Variants in HAPLN4 observed in about 807,000 individuals in gnomAD.
HAPLN4 encodes hyaluronan and proteoglycan link protein 4.
In HAPLN4, 19 loss-of-function variants were observed where a neutral mutation model predicts 28.0. That is an observed-to-expected ratio of 0.68 (90% CI 0.47 to 1.00). The LOEUF (loss-of-function observed/expected upper bound fraction) is 1.00. HAPLN4 is among the 50% of genes least tolerant of loss of function. The pLI is 0.00. For missense variants in HAPLN4, 587 were observed against 602.6 expected (o/e 0.97, Z 0.27); for synonymous variants, 274 against 273.0 (o/e 1.00, Z -0.03).
intron 1 of HAPLN4, 56 bp from the exon 2 acceptor site, chr19:19,261,619 G>T: frequency 1.7e-6 from 2 of 1,207,502 alleles, no homozygotes; most frequent in Non-Finnish European, 2.2e-6. Context: ...CTTTTCGGAG[G>T]CCTGGCTCCC....
rs1215207643 is a variant in HAPLN4, at chr19:19,258,221, G to A, written c.818-13C>T. The A allele has an allele frequency of 1.4e-6, 2 of 1,468,120 alleles. No homozygotes were observed. The highest frequency in any genetic ancestry group is 2.4e-5 in the Admixed American group (1 of 41,782). 90.9% of individuals were successfully genotyped at this position (1,468,120 alleles called of 1,614,324 possible). On this transcript the variant is annotated splice_polypyrimidine_tract_variant and intron_variant, in intron 4 of 4. Transcript: ENST00000291481. This position sits in a 1 kb window ranked among gnomAD's most constrained non-coding sequence, Gnocchi z 6.2. ...AAGAACACGCGCCCTGCGGGGGTGA[G>A]GTGGGGGGTGGGTTATTAGTGCGGC...
chr19:19,262,517 A>C (rs1462182909), intron 1 of HAPLN4, among the ~76,000 whole-genome samples: 1 of 151,824 alleles, frequency 6.6e-6, no homozygotes, highest in Non-Finnish European at 1.5e-5. Flanking sequence ...GAGAGGAAAA[A>C]GGCAGAGAGG....
Position 19,258,732 on chromosome 19 carries a change from C to A in HAPLN4, c.608G>T (p.Arg203Leu). 1 of 1,602,934 alleles carries A rather than the reference C, an allele frequency of 6.2e-7. No homozygotes were observed. Among genetic ancestry groups the A allele is most frequent in the Non-Finnish European group, 8.5e-7 (1 of 1,176,330 alleles). ...CGCGTTGCACCAGTCCAGGCCGTCG[C>A]GCCAGGCCGCGTGCAGCTGTTCTGC... ...ASAEQLHAAWRDGLDWCNAGW... is the reference protein window; with the variant it reads ...ASAEQLHAAWLDGLDWCNAGW... The change falls in exon 4 of 5, where the codon CGC (arginine) becomes CTC (leucine). Residue 203 changes from arginine to leucine, a missense_variant. Coordinates refer to ENST00000291481, the MANE Select transcript of HAPLN4 (RefSeq NM_023002.3). This position sits in a 1 kb window ranked among gnomAD's most constrained non-coding sequence, Gnocchi z 6.2.
At position 19,261,192 on chromosome 19, in the gene HAPLN4, A is replaced by G. The variant is rs1473537424; in HGVS notation, c.122-17T>C. 2 of 1,576,440 alleles carry G rather than the reference A, an allele frequency of 1.3e-6. No individual in the cohort carries two copies. The highest frequency in any genetic ancestry group is 2.7e-5 in the African/African-American group (2 of 73,602). Reference sequence around the variant, plus strand: ...ACTCACCCTCTGAGGACAACCAAGCAGGGTTCAGAGGAGGGGCCTAGGGGC... The same window carrying G: ...ACTCACCCTCTGAGGACAACCAAGCGGGGTTCAGAGGAGGGGCCTAGGGGC... On this transcript the variant is annotated splice_polypyrimidine_tract_variant and intron_variant, in intron 2 of 4. Transcript: ENST00000291481.
In HAPLN4 at chr19:19,261,104, C is replaced by T. The variant is rs1175684485; in HGVS notation, c.193G>A (p.Val65Ile). 3 of 1,612,094 alleles carry T rather than the reference C, an allele frequency of 1.9e-6. No homozygotes were observed. The East Asian group carries it at 6.7e-5, about 36-fold the overall frequency. The part of the protein sequence containing the change: ...QVVSHRGGTI[V>I]LPCRYHYEAA... Reference sequence around the variant, plus strand: ...TCATAGTGGTAGCGGCAGGGCAAGACGATGGTGCCACCACGGTGGCTTACC... The same window carrying T: ...TCATAGTGGTAGCGGCAGGGCAAGATGATGGTGCCACCACGGTGGCTTACC... Residue 65 changes from valine (V) to isoleucine (I), a missense_variant, in exon 3 of 5, where the codon GTC becomes ATC. Coordinates refer to ENST00000291481, the MANE Select transcript of HAPLN4 (RefSeq NM_023002.3).
chr19:19,257,768 G>T lies in HAPLN4; in HGVS notation c.*49C>A. On this transcript the variant is annotated 3_prime_UTR_variant, in exon 5 of 5. Coordinates refer to ENST00000291481, the MANE Select transcript of HAPLN4 (RefSeq NM_023002.3). ...CGTGGCCAGGCTCCAGGGGACCACA[G>T]GGCTCTAGACCAGTGGTCAAGCGCC... The T allele has an allele frequency of 7.3e-7, 1 of 1,375,994 alleles. No homozygotes were observed. The allele number at this position is 1,375,994 out of a possible 1,614,324, so 85.2% of individuals were successfully genotyped here.
At chr19:19,261,765 T>C (rs1180222306) in intron 1 of HAPLN4, 7 of 467,252 alleles carry the variant, frequency 1.5e-5, no homozygotes, top group South Asian at 6.1e-5. Context: ...GCCCCTAGAC[T>C]CCCCCCCGCC....
chr19:19,259,719 G>A (rs2060977240), intron 3 of HAPLN4, among the ~76,000 whole-genome samples: 2 of 152,162 alleles, frequency 1.3e-5, no homozygotes. Context: ...TCCAGTAAAG[G>A]AGAGCTGCTG....
In HAPLN4 at chr19:19,258,280, GC is replaced by G. The variant is rs2060972686; in HGVS notation, c.818-73del. The G allele has an allele frequency of 2.9e-6, 4 of 1,377,846 alleles. No homozygotes were observed. Among genetic ancestry groups the G allele is most frequent in the East Asian group, 2.5e-5 (1 of 39,488 alleles). The allele number at this position is 1,377,846 out of a possible 1,614,324, so 85.4% of individuals were successfully genotyped here. ...CCCTGCTTCGGTGGGATTCAGGACT[GC>G]CCCCCGCATGCAGCCTAGGACTCTG... On this transcript the variant is annotated intron_variant, in intron 4 of 4. Coordinates refer to ENST00000291481, the MANE Select transcript of HAPLN4 (RefSeq NM_023002.3). This position sits in a 1 kb window ranked among gnomAD's most constrained non-coding sequence, Gnocchi z 6.2.
Position 19,258,275 on chromosome 19 carries a change from G to A in HAPLN4, c.818-67C>T. ...TGGGACCCTGCTTCGGTGGGATTCAGGACTGCCCCCCGCATGCAGCCTAGG... is the reference window on the plus strand; with the variant it reads ...TGGGACCCTGCTTCGGTGGGATTCAAGACTGCCCCCCGCATGCAGCCTAGG... On this transcript the variant is annotated intron_variant, in intron 4 of 4. Coordinates refer to ENST00000291481, the MANE Select transcript of HAPLN4 (RefSeq NM_023002.3). This position sits in a 1 kb window ranked among gnomAD's most constrained non-coding sequence, Gnocchi z 6.2. 1 of 1,398,576 alleles carries A rather than the reference G, an allele frequency of 7.2e-7. No homozygotes were observed. The highest frequency in any genetic ancestry group is 9.4e-7 in the Non-Finnish European group (1 of 1,059,554). 86.6% of individuals were successfully genotyped at this position (1,398,576 alleles called of 1,614,324 possible). A position where few individuals can be genotyped will look rare whatever the true frequency, so the allele number is the denominator to read the frequency against.
In HAPLN4 at chr19:19,258,308, C is replaced by T. The variant is rs1315015141; in HGVS notation, c.818-100G>A. On this transcript the variant is annotated intron_variant, in intron 4 of 4. Transcript: ENST00000291481. The surrounding 1 kb of genome is among the most constrained non-coding windows in gnomAD (Gnocchi z 6.2). ...CCCCGCATGCAGCCTAGGACTCTGG[C>T]CTCGGCCCCGGGATCCAGGAACAGT... 3.8e-6 allele frequency: 5 copies of T among 1,305,954 alleles called. No homozygotes were observed. Among genetic ancestry groups the T allele is most frequent in the Non-Finnish European group, 5.1e-6 (5 of 979,208 alleles). 80.9% of individuals were successfully genotyped at this position (1,305,954 alleles called of 1,614,324 possible). A position where few individuals can be genotyped will look rare whatever the true frequency, so the allele number is the denominator to read the frequency against.
intron 3 of HAPLN4, among the ~76,000 whole-genome samples, chr19:19,260,253 G>T (rs1000387082): frequency 6.6e-6 from 1 of 152,058 alleles, no homozygotes; most frequent in African/African-American, 2.4e-5. Context: ...GTCTCGCTCT[G>T]TCGCCCAGGC....
At chr19:19,262,017 G>A (rs2060985429) in intron 1 of HAPLN4, among the ~76,000 whole-genome samples, 1 of 151,986 alleles carries the variant, frequency 6.6e-6, no homozygotes, top group Non-Finnish European at 1.5e-5. Context: ...GGGACAGAGA[G>A]AAAGGCAGGG....
At position 19,257,704 on chromosome 19, in the gene HAPLN4, G is replaced by T; in HGVS notation, c.*113C>A. Reference sequence around the variant, plus strand: ...CCAGGGGCACAGTTAGTTTGTAAGGGACCACAGGGAATGTGGCCAGTGTCC... The same window carrying T: ...CCAGGGGCACAGTTAGTTTGTAAGGTACCACAGGGAATGTGGCCAGTGTCC... On this transcript the variant is annotated 3_prime_UTR_variant, in exon 5 of 5. Transcript: ENST00000291481. 8.0e-7 allele frequency: 1 copy of T among 1,243,096 alleles called. No homozygotes were observed. Among genetic ancestry groups the T allele is most frequent in the African/African-American group, 1.6e-5 (1 of 64,196 alleles). The allele number at this position is 1,243,096 out of a possible 1,614,324, so 77.0% of individuals were successfully genotyped here.
In HAPLN4 at chr19:19,258,033, G is replaced by T. The variant is rs1172776206; in HGVS notation, c.993C>A (p.Pro331=). 2 of 1,533,976 alleles carry T rather than the reference G, an allele frequency of 1.3e-6. No individual in the cohort carries two copies. Among genetic ancestry groups the T allele is most frequent in the African/African-American group, 1.4e-5 (1 of 71,760 alleles). The change falls in exon 5 of 5, where the codon CCC becomes CCA. Residue 331 remains proline, a synonymous_variant. Coordinates refer to ENST00000291481, the MANE Select transcript of HAPLN4 (RefSeq NM_023002.3). This position sits in a 1 kb window ranked among gnomAD's most constrained non-coding sequence, Gnocchi z 6.2. ...GWLADGSARY[P]IVNPRARCGG... ...CGCAGCGCGCTCGCGGGTTCACGAT[G>T]GGGTAGCGCGCACTGCCATCGGCCA...
In HAPLN4 at chr19:19,258,067, G is replaced by A; in HGVS notation, c.959C>T (p.Ala320Val). ...WKLQLLDRCT[A>V]GWLADGSARY... Reference sequence around the variant, plus strand: ...CGCACTGCCATCGGCCAGCCAACCCGCGGTGCAGCGGTCTAGCAGCTGCAG... The same window carrying A: ...CGCACTGCCATCGGCCAGCCAACCCACGGTGCAGCGGTCTAGCAGCTGCAG... The change falls in exon 5 of 5, where the codon GCG becomes GTG. Residue 320 changes from alanine (A) to valine (V), a missense_variant. By Grantham distance (64) the Ala-to-Val change is moderately conservative (BLOSUM62 0). Transcript: ENST00000291481. The surrounding 1 kb of genome is among the most constrained non-coding windows in gnomAD (Gnocchi z 6.2). The A allele has an allele frequency of 6.4e-7, 1 of 1,552,828 alleles. No individual in the cohort carries two copies. The highest frequency in any genetic ancestry group is 8.7e-7 in the Non-Finnish European group (1 of 1,155,940).
intron 3 of HAPLN4, among the ~76,000 whole-genome samples, chr19:19,260,299 C>T (rs2060978796): frequency 6.6e-6 from 1 of 152,216 alleles, no homozygotes; most frequent in Non-Finnish European, 1.5e-5. Context: ...TCACCGCAAC[C>T]TCCACCTCCC....
rs1390332541 is a variant in HAPLN4 at position 19,257,586 on chromosome 19, G to A, written c.*231C>T. ...CCTCATGGAGAAAGTTGGGGAGTTG[G>A]GGGAATCCTCTATCCAGAAGAGGTG... On this transcript the variant is annotated 3_prime_UTR_variant, in exon 5 of 5. Transcript: ENST00000291481. 4.8e-6 allele frequency: 2 copies of A among 420,530 alleles called. No individual in the cohort carries two copies. Among genetic ancestry groups the A allele is most frequent in the Non-Finnish European group, 8.0e-6 (2 of 250,908 alleles). 26.0% of individuals were successfully genotyped at this position (420,530 alleles called of 1,614,324 possible).
chr19:19,260,646 C>G (rs1284678722), intron 3 of HAPLN4, among the ~76,000 whole-genome samples, 167 bp downstream of exon 3: 1 of 152,212 alleles, frequency 6.6e-6, no homozygotes, highest in Non-Finnish European at 1.5e-5. Flanking sequence ...CTCCAGACAT[C>G]GCCAATGTCC....
Sources: allele counts gnomAD v4.1 joint callset (sites outside exome capture counted in the v4.1 genomes callset), GRCh38; gene constraint gnomAD v4.1.1; non-coding constraint Gnocchi (gnomAD v3.1); transcripts MANE v1.5; gene names NCBI Gene and HGNC (gene_info 2026-07-23, HGNC 2026-07-21).